PTPRS: variants seen among roughly 807,000 people sequenced by gnomAD.
PTPRS encodes receptor-type tyrosine-protein phosphatase S.
Under a neutral mutation model 215.3 loss-of-function variants are expected in PTPRS, and 63 were observed. The ratio of observed to expected loss-of-function variants is 0.29; its 90% CI spans 0.24 to 0.36. The LOEUF (loss-of-function observed/expected upper bound fraction) is 0.36, where lower values mean the gene tolerates loss of function less well. PTPRS is among the 10% of genes least tolerant of loss of function. The pLI is 1.00. For synonymous variants in PTPRS, 1,404 were observed against 1,191.4 expected (o/e 1.18, Z -3.68); for missense variants, 2,258 against 2,825.8 (o/e 0.80, Z 4.56).
intron 2 of PTPRS, among the ~76,000 whole-genome samples, chr19:5,283,939 G>T (rs2048098714): frequency 6.6e-6 from 1 of 151,994 alleles, no homozygotes; most frequent in Admixed American, 6.6e-5. Context: ...GCCAGGCCAG[G>T]CACTGGGACT....
intron 9 of PTPRS, among the ~76,000 whole-genome samples, chr19:5,248,393 A>C (rs1001265813): frequency 5.3e-5 from 8 of 152,074 alleles, no homozygotes; most frequent in African/African-American, 1.4e-4. Context: ...AAGAAGAAAA[A>C]AAAAAAAATC....
chr19:5,275,386 T>G (rs1200747748), intron 2 of PTPRS, among the ~76,000 whole-genome samples: 1 of 151,002 alleles, frequency 6.6e-6, no homozygotes, highest in Non-Finnish European at 1.5e-5. Flanking sequence ...TCTTTTTCTT[T>G]TCTTTTTTTT....
Position 5,206,082 on chromosome 19 carries a change from A to AAAAAAAAAGC in PTPRS, c.*691_*692insGCTTTTTTTT, listed in dbSNP as rs1555729800. Reference sequence around the variant, plus strand: ...AATTAAAAAAAAAAAAAAAAAAAAAAAAGCCAAGGTACAGCCATGGGCCTG... The same window carrying AAAAAAAAAGC: ...AATTAAAAAAAAAAAAAAAAAAAAAAAAAAAAAAGCAAGCCAAGGTACAGCCATGGGCCTG... On this transcript the variant is annotated 3_prime_UTR_variant, in exon 38 of 38. Coordinates refer to ENST00000262963, the MANE Select transcript of PTPRS (RefSeq NM_002850.4). 6.9e-6 allele frequency among the ~76,000 whole-genome samples: 1 copy of AAAAAAAAAGC among 144,378 alleles called. No homozygotes were observed. Among genetic ancestry groups the AAAAAAAAAGC allele is most frequent in the African/African-American group, 2.6e-5 (1 of 37,794 alleles). The allele number at this position is 144,378 out of a possible 152,430, so 94.7% of individuals were successfully genotyped here. A position where few individuals can be genotyped will look rare whatever the true frequency, so the allele number is the denominator to read the frequency against.
At chr19:5,245,724 G>A in intron 10 of PTPRS, 52 bp downstream of exon 10, 1 of 1,507,962 alleles carries the variant, frequency 6.6e-7, no homozygotes, top group African/African-American at 1.4e-5. Context: ...CTGAAGTCGG[G>A]GATCGACTCC....
At chr19:5,233,225 G>A (rs2043164564) in intron 13 of PTPRS, among the ~76,000 whole-genome samples, 1 of 151,486 alleles carries the variant, frequency 6.6e-6, no homozygotes, top group Non-Finnish European at 1.5e-5. Context: ...AAGGGGAACA[G>A]CAACAGAGCT....
chr19:5,275,574 G>C (rs2047295961), intron 2 of PTPRS, among the ~76,000 whole-genome samples: 1 of 151,426 alleles, frequency 6.6e-6, no homozygotes, highest in African/African-American at 2.4e-5. Context: ...GGGAGGCTGA[G>C]GCCGGAGGAT....
chr19:5,220,779 A>C (rs1005555218), intron 20 of PTPRS, among the ~76,000 whole-genome samples: 1 of 152,144 alleles, frequency 6.6e-6, no homozygotes, highest in Non-Finnish European at 1.5e-5. Context: ...GGTCAGGCAT[A>C]TGGGGTATCA....
At chr19:5,316,929 C>T (rs983638396) in intron 1 of PTPRS, among the ~76,000 whole-genome samples, 5 of 152,268 alleles carry the variant, frequency 3.3e-5, no homozygotes, top group Admixed American at 6.5e-5. Context: ...CTCCCACGGG[C>T]GGCTGCCCCA....
chr19:5,333,503 T>TCACA (rs35443727), intron 1 of PTPRS, among the ~76,000 whole-genome samples: 16,473 of 147,684 alleles, frequency 0.11, 910 homozygotes, highest in South Asian at 0.17. Flanking sequence ...GTGAGTCCTG[T>TCACA]CACACACACA....
chr19:5,326,337 G>A (rs933048307), intron 1 of PTPRS, among the ~76,000 whole-genome samples: 16 of 152,142 alleles, frequency 1.1e-4, no homozygotes, highest in African/African-American at 3.6e-4. Flanking sequence ...ACACCTCAGG[G>A]GTGCTCAGGC....
intron 12 of PTPRS, among the ~76,000 whole-genome samples, chr19:5,239,671 G>A (rs1008960551): frequency 1.3e-5 from 2 of 150,758 alleles, no homozygotes; most frequent in Non-Finnish European, 3.0e-5. Context: ...GAGAAAGAGA[G>A]GAGAGAGAGA....
chr19:5,243,565 C>T (rs1013811638), intron 11 of PTPRS, among the ~76,000 whole-genome samples: 2 of 152,028 alleles, frequency 1.3e-5, no homozygotes, highest in Non-Finnish European at 2.9e-5. Context: ...CTGCAACCTC[C>T]ACCTCCTGGG....
intron 5 of PTPRS, among the ~76,000 whole-genome samples, chr19:5,263,446 G>A (rs745459855): frequency 3.3e-5 from 5 of 152,110 alleles, no homozygotes; most frequent in African/African-American, 7.2e-5. Flanking sequence ...GCAACGATGG[G>A]CAGTGAGTGA....
chr19:5,298,151 A>G (rs372222063), intron 1 of PTPRS, among the ~76,000 whole-genome samples: 1 of 151,996 alleles, frequency 6.6e-6, no homozygotes, highest in African/African-American at 2.4e-5. Context: ...TTCGATGGGG[A>G]TCACCATTAG....
intron 4 of PTPRS, among the ~76,000 whole-genome samples, chr19:5,272,640 A>T (rs62115097): frequency 2.8e-4 from 38 of 136,426 alleles, no homozygotes; most frequent in African/African-American, 1.0e-3. Flanking sequence ...AAAAAAAAGA[A>T]TTGCACCTAA....
Position 5,237,548 on chromosome 19 carries a change from C to T in PTPRS, c.1849+1371G>A, listed in dbSNP as rs1201012978. On this transcript the variant is annotated intron_variant, in intron 13 of 37. Transcript: ENST00000262963. The surrounding 1 kb of genome is among the most constrained non-coding windows in gnomAD (Gnocchi z 4.2). Reference sequence around the variant, plus strand: ...GGATGTGCGTGCGTGGGCAGCGTGGCATGGTGGTGGCACGTGGTTTGGGAG... The same window carrying T: ...GGATGTGCGTGCGTGGGCAGCGTGGTATGGTGGTGGCACGTGGTTTGGGAG... Among the ~76,000 whole-genome samples the T allele has an allele frequency of 6.6e-6, 1 of 152,196 alleles. No individual in the cohort carries two copies. The highest frequency in any genetic ancestry group is 2.4e-5 in the African/African-American group (1 of 41,460).
chr19:5,260,511 A>G (rs1249738338), intron 7 of PTPRS, among the ~76,000 whole-genome samples: 1 of 152,164 alleles, frequency 6.6e-6, no homozygotes, highest in Non-Finnish European at 1.5e-5. Context: ...GCTAAACCAC[A>G]TGGGGCTCCC....
At chr19:5,331,600 G>GC (rs2050328068) in intron 1 of PTPRS, among the ~76,000 whole-genome samples, 1 of 152,100 alleles carries the variant, frequency 6.6e-6, no homozygotes, top group African/African-American at 2.4e-5. Context: ...CCCAGACGTT[G>GC]CCAAGTGTGC....
rs2050619576 is a variant in PTPRS, at chr19:5,339,597, G to A, written c.-95+1067C>T. Among the ~76,000 whole-genome samples the A allele has an allele frequency of 6.6e-6, 1 of 152,092 alleles. No homozygotes were observed. On this transcript the variant is annotated intron_variant, in intron 1 of 37. Transcript: ENST00000262963. This position sits in a 1 kb window ranked among gnomAD's most constrained non-coding sequence, Gnocchi z 4.2. ...TCCGAAGGGGAGGATCTTAATTTTA[G>A]GAGAGATTCCCATAAAGAGAGGTGA...
Sources: allele counts gnomAD v4.1 joint callset (sites outside exome capture counted in the v4.1 genomes callset), GRCh38; gene constraint gnomAD v4.1.1; non-coding constraint Gnocchi (gnomAD v3.1); transcripts MANE v1.5; gene names NCBI Gene and HGNC (gene_info 2026-07-23, HGNC 2026-07-21).